DMD: variants seen among roughly 807,000 people sequenced by gnomAD.
DMD encodes the protein dystrophin.
A neutral mutation model predicts 330.1 loss-of-function variants in DMD; 63 were observed. The observed-to-expected ratio is 0.19, with a 90% CI of 0.16 to 0.24. The LOEUF is 0.24. Ranked by LOEUF, DMD falls within the 10% of genes least tolerant of loss-of-function variation. The pLI is 1.00. For missense variants in DMD, 3,344 were observed against 2,684.1 expected (o/e 1.25, Z -5.43); for synonymous variants, 1,223 against 959.8 (o/e 1.27, Z -5.07).
intron 30 of DMD, among the ~76,000 whole-genome samples, chrX:32,401,826 G>A (rs988135384): frequency 3.6e-5 from 4 of 112,299 alleles, no homozygotes; most frequent in Non-Finnish European, 7.5e-5. Context: ...CTCATGTAAC[G>A]TTTATACATC....
chrX:32,626,545 G>C (rs1602283800), intron 11 of DMD, among the ~76,000 whole-genome samples: 1 of 104,996 alleles, frequency 9.5e-6, no homozygotes, highest in Admixed American at 9.9e-5. Flanking sequence ...ATTAGTTTTG[G>C]TTTTAGCTTA....
At chrX:32,784,574 A>AATTAATCACTT (rs1325848714) in intron 7 of DMD, among the ~76,000 whole-genome samples, 1 of 112,005 alleles carries the variant, frequency 8.9e-6, no homozygotes, top group Admixed American at 9.5e-5. Context: ...ATCACTTAAG[A>AATTAATCACTT]AATCAATTAA....
chrX:33,116,446 G>GTTCAGTC (rs2095385744), intron 1 of DMD, among the ~76,000 whole-genome samples: 1 of 110,509 alleles, frequency 9.0e-6, no homozygotes, highest in South Asian at 3.9e-4. Context: ...GAGGTCAAGG[G>GTTCAGTC]TTCAGTCAGC....
intron 7 of DMD, among the ~76,000 whole-genome samples, chrX:32,714,763 CT>C (rs1320517847): frequency 8.9e-6 from 1 of 111,761 alleles, no homozygotes; most frequent in Non-Finnish European, 1.9e-5. Flanking sequence ...CTTATACTTT[CT>C]TGTGCGGTTT....
chrX:32,730,367 G>T (rs895652668), intron 7 of DMD, among the ~76,000 whole-genome samples: 10 of 111,654 alleles, frequency 9.0e-5, no homozygotes, highest in Non-Finnish European at 1.5e-4. Flanking sequence ...AAAATGTAAT[G>T]GTGCCATAAG....
chrX:31,227,707 C>T lies in DMD; in HGVS notation c.9287-4586G>A, dbSNP rs747530427. 7.8e-3 allele frequency among the ~76,000 whole-genome samples: 867 copies of T among 111,038 alleles called. 2 individuals carry two copies. Among genetic ancestry groups the T allele is most frequent in the Middle Eastern group, 0.047 (10 of 215 alleles). On this transcript the variant is annotated intron_variant, in intron 63 of 78. Transcript: ENST00000357033. ...ACCTTGGGCAGTATGACCATTTTCA[C>T]GATATTGATTCTTCCTACCCATGAG...
At chrX:32,138,309 G>A (rs1248606690) in intron 44 of DMD, among the ~76,000 whole-genome samples, 1 of 110,286 alleles carries the variant, frequency 9.1e-6, no homozygotes, top group African/African-American at 3.3e-5. Flanking sequence ...GAGTCATTCA[G>A]ATCTTGATTT....
chrX:32,740,455 A>G (rs2069107466), intron 7 of DMD, among the ~76,000 whole-genome samples: 1 of 110,760 alleles, frequency 9.0e-6, no homozygotes. Flanking sequence ...AGAAAAAAGG[A>G]TCATATATTG....
intron 67 of DMD, among the ~76,000 whole-genome samples, chrX:31,198,196 T>C (rs181904396): frequency 1.6e-4 from 18 of 110,828 alleles, no homozygotes; most frequent in African/African-American, 4.9e-4. Context: ...AAGGCCACTA[T>C]AGTAATCAAT....
At chrX:32,493,017 A>G (rs3805052) in intron 19 of DMD, among the ~76,000 whole-genome samples, 2 of 111,737 alleles carry the variant, frequency 1.8e-5, no homozygotes, top group East Asian at 5.7e-4. Flanking sequence ...CTGGTAATAT[A>G]ATTTAGTTAA....
intron 27 of DMD, among the ~76,000 whole-genome samples, chrX:32,443,802 A>G (rs981082596): frequency 9.0e-6 from 1 of 111,686 alleles, no homozygotes; most frequent in African/African-American, 3.2e-5. Context: ...TTGAAATCAC[A>G]GAATCCAAAG....
intron 7 of DMD, among the ~76,000 whole-genome samples, chrX:32,745,847 G>A (rs2069925973): frequency 8.9e-6 from 1 of 112,090 alleles, no homozygotes; most frequent in Admixed American, 9.5e-5. Flanking sequence ...TTTCAGGGAT[G>A]TTTTCTGTTT....
chrX:31,443,502 C>T (rs1687001417), intron 60 of DMD, among the ~76,000 whole-genome samples: 1 of 110,967 alleles, frequency 9.0e-6, no homozygotes, highest in Non-Finnish European at 1.9e-5. Flanking sequence ...TTGACTTATT[C>T]ATCCTAATAA....
At chrX:31,347,457 T>A (rs1425861229) in intron 61 of DMD, among the ~76,000 whole-genome samples, 1 of 111,492 alleles carries the variant, frequency 9.0e-6, no homozygotes, top group African/African-American at 3.3e-5. Flanking sequence ...TTATTATCAA[T>A]TTTTTTAGCT....
chrX:31,236,762 T>A (rs1029947474), intron 63 of DMD, among the ~76,000 whole-genome samples: 1 of 112,153 alleles, frequency 8.9e-6, no homozygotes, highest in Admixed American at 9.5e-5. Flanking sequence ...ATTAACTCTT[T>A]AGAGTTAATG....
intron 2 of DMD, among the ~76,000 whole-genome samples, chrX:32,959,435 T>A (rs2091782513): frequency 9.0e-6 from 1 of 111,639 alleles, no homozygotes; most frequent in African/African-American, 3.3e-5. Flanking sequence ...TTGTTCATTG[T>A]CTTGAGGATT....
In DMD at chrX:32,563,970, CCCAGTAT is replaced by C. The variant is rs2051372048; in HGVS notation, c.1992+1725_1992+1731del. ...ATTATTTCATCACCCAGGTATTAAG[CCCAGTAT>C]CCAATAGTCTTATTTACTGCTCATC... On this transcript the variant is annotated intron_variant, in intron 16 of 78. Coordinates refer to ENST00000357033, the MANE Select transcript of DMD (RefSeq NM_004006.3). Among the ~76,000 whole-genome samples, 10 of 111,677 alleles carry C rather than the reference CCCAGTAT, an allele frequency of 9.0e-5. No individual in the cohort carries two copies. In the South Asian group the frequency reaches 3.7e-3, roughly 42 times the overall value.
chrX:32,564,780 A>G (rs2051489542), intron 16 of DMD, among the ~76,000 whole-genome samples: 1 of 111,627 alleles, frequency 9.0e-6, no homozygotes, highest in African/African-American at 3.3e-5. Flanking sequence ...TCCAAAAGGC[A>G]TTTCCTAAGT....
intron 42 of DMD, among the ~76,000 whole-genome samples, chrX:32,296,702 TTC>T (rs1182786115): frequency 9.0e-6 from 1 of 111,667 alleles, no homozygotes; most frequent in Non-Finnish European, 1.9e-5. Context: ...GTTGTGAGTG[TTC>T]TCTCAGTCAA....
Sources: allele counts gnomAD v4.1 joint callset (sites outside exome capture counted in the v4.1 genomes callset), GRCh38; gene constraint gnomAD v4.1.1; transcripts MANE v1.5; gene names NCBI Gene and HGNC (gene_info 2026-07-23, HGNC 2026-07-21).